Variants in BSN observed in about 807,000 individuals in gnomAD.
BSN encodes the protein bassoon presynaptic cytomatrix protein, also known as protein bassoon.
A neutral mutation model predicts 264.8 loss-of-function variants in BSN; 57 were observed. The ratio of observed to expected loss-of-function variants is 0.22; its 90% CI spans 0.17 to 0.27. The LOEUF is 0.27. Among genes scored for constraint, BSN ranks in the 10% least tolerant of loss-of-function variants. The pLI, the probability that BSN is intolerant of heterozygous loss-of-function variation, is 1.00. For synonymous variants in BSN, 2,059 were observed against 2,137.3 expected, an observed-to-expected ratio of 0.96 and a Z score of 1.01; for missense variants, 4,615 against 5,232.5, an observed-to-expected ratio of 0.88 and a Z score of 3.64.
In BSN at chr3:49,655,763, A is replaced by G. The variant is rs2052593184; in HGVS notation, c.6207A>G (p.Ser2069=). The G allele has an allele frequency of 1.2e-6, 2 of 1,613,364 alleles. No homozygotes were observed. Among genetic ancestry groups the G allele is most frequent in the African/African-American group, 2.7e-5 (2 of 74,930 alleles). The change falls in exon 5 of 12, where the codon TCA becomes TCG. Residue 2069 remains serine, a synonymous_variant. Coordinates refer to ENST00000296452, the MANE Select transcript of BSN (RefSeq NM_003458.4). ...ATAGCTCAGTGTCGAACATCTACTC[A>G]GACCACAGGTACGGCCCACGGGGAG... ...RRYSSVSNIY[S]DHRYGPRGDA... is the part of the protein sequence containing the mutation.
chr3:49,559,376 C>T (rs1237245625), intron 1 of BSN, among the ~76,000 whole-genome samples: 1 of 152,150 alleles, frequency 6.6e-6, no homozygotes, highest in African/African-American at 2.4e-5. Context: ...ATTTATCTCT[C>T]TCACATCCTA....
chr3:49,621,916 T>C (rs1317338590), intron 1 of BSN, among the ~76,000 whole-genome samples: 1 of 152,090 alleles, frequency 6.6e-6, no homozygotes, highest in Non-Finnish European at 1.5e-5. Flanking sequence ...TTAAGGAGTT[T>C]TGCTGTAAAG....
intron 1 of BSN, among the ~76,000 whole-genome samples, chr3:49,604,448 TG>T (rs1280795547): frequency 6.6e-6 from 1 of 152,200 alleles, no homozygotes; most frequent in Non-Finnish European, 1.5e-5. Context: ...AGGTACCTCG[TG>T]TAAGTGGAAT....
At chr3:49,568,193 G>A (rs937925294) in intron 1 of BSN, among the ~76,000 whole-genome samples, 1 of 152,220 alleles carries the variant, frequency 6.6e-6, no homozygotes, top group Non-Finnish European at 1.5e-5. Context: ...AAATCTTGCT[G>A]AGACCATTTT....
chr3:49,648,548 G>A (rs1047863077), intron 3 of BSN, among the ~76,000 whole-genome samples: 1 of 152,226 alleles, frequency 6.6e-6, no homozygotes, highest in Non-Finnish European at 1.5e-5. Context: ...TTTCCATTGT[G>A]TACACAGGTG....
chr3:49,593,623 G>A (rs944582972), intron 1 of BSN, among the ~76,000 whole-genome samples: 2 of 151,960 alleles, frequency 1.3e-5, no homozygotes, highest in Non-Finnish European at 2.9e-5. Context: ...GTTTTAATTT[G>A]TATTTCCATA....
At chr3:49,566,788 GAAA>G (rs36043715) in intron 1 of BSN, among the ~76,000 whole-genome samples, 5 of 86,066 alleles carry the variant, frequency 5.8e-5, no homozygotes, top group East Asian at 4.1e-4. Flanking sequence ...TGTGTTTCAG[GAAA>G]AAAAAAAAAA....
chr3:49,629,832 C>T (rs1215616120), intron 2 of BSN, among the ~76,000 whole-genome samples: 1 of 152,226 alleles, frequency 6.6e-6, no homozygotes, highest in African/African-American at 2.4e-5. Flanking sequence ...TACTTATAAG[C>T]CTCTCTAGGA....
chr3:49,637,974 C>A (rs1487098109), intron 2 of BSN, among the ~76,000 whole-genome samples: 2 of 152,254 alleles, frequency 1.3e-5, no homozygotes, highest in Admixed American at 1.3e-4. Flanking sequence ...TCTGACAGAG[C>A]TGTCCACCTT....
At chr3:49,671,567 G>C (rs2052762217), downstream of BSN, 1 of 152,560 alleles carries the variant, frequency 6.6e-6, no homozygotes, top group African/African-American at 2.4e-5. This position sits in a 1 kb window ranked among gnomAD's most constrained non-coding sequence, Gnocchi z 4.1. Flanking sequence ...TTTCTGGGAT[G>C]GTTTCTCAAG....
At chr3:49,629,821 T>C (rs2052371433) in intron 2 of BSN, among the ~76,000 whole-genome samples, 1 of 152,208 alleles carries the variant, frequency 6.6e-6, no homozygotes. Flanking sequence ...CTAGTCAGAA[T>C]TACTTATAAG....
In BSN at chr3:49,655,529, G is replaced by A; in HGVS notation, c.5973G>A (p.Glu1991=). The change falls in exon 5 of 12, where the codon GAG becomes GAA. Residue 1991 remains glutamate (E), a synonymous_variant. Coordinates refer to ENST00000296452, the MANE Select transcript of BSN (RefSeq NM_003458.4). ...YSSMSDTNLA[E]AGLNYHAQRI... Reference sequence around the variant, plus strand: ...CCATGTCTGACACCAATTTGGCTGAGGCTGGCCTCAACTACCATGCCCAGA... The same window carrying A: ...CCATGTCTGACACCAATTTGGCTGAAGCTGGCCTCAACTACCATGCCCAGA... The A allele has an allele frequency of 6.2e-7, 1 of 1,611,758 alleles. No homozygotes were observed. Among genetic ancestry groups the A allele is most frequent in the Non-Finnish European group, 8.5e-7 (1 of 1,178,978 alleles).
At chr3:49,560,652 T>C (rs1408466379) in intron 1 of BSN, among the ~76,000 whole-genome samples, 1 of 152,234 alleles carries the variant, frequency 6.6e-6, no homozygotes, top group Non-Finnish European at 1.5e-5. Flanking sequence ...CAGGAGCATG[T>C]CATGCTGGTA....
chr3:49,560,909 G>A (rs1016938867), intron 1 of BSN, among the ~76,000 whole-genome samples: 4 of 152,146 alleles, frequency 2.6e-5, no homozygotes, highest in African/African-American at 9.7e-5. Flanking sequence ...TATATTTTAG[G>A]TTCTGGTCAG....
At chr3:49,589,003 CT>C (rs1177877283) in intron 1 of BSN, among the ~76,000 whole-genome samples, 3 of 151,564 alleles carry the variant, frequency 2.0e-5, no homozygotes, top group African/African-American at 7.3e-5. Context: ...CAAGCTCCGC[CT>C]CCCGCGTTTA....
chr3:49,590,322 T>TA (rs1383740210), intron 1 of BSN, among the ~76,000 whole-genome samples: 10 of 151,816 alleles, frequency 6.6e-5, no homozygotes, highest in South Asian at 4.2e-4. Flanking sequence ...TTGGATTCTT[T>TA]AAAAAAAACA....
chr3:49,615,757 G>A (rs748157315), intron 1 of BSN, among the ~76,000 whole-genome samples: 3 of 152,178 alleles, frequency 2.0e-5, no homozygotes, highest in Non-Finnish European at 2.9e-5. Context: ...AGCTGATGAG[G>A]CCAGCCCTTG....
chr3:49,647,684 T>C (rs775906086), intron 3 of BSN, among the ~76,000 whole-genome samples: 3 of 152,138 alleles, frequency 2.0e-5, no homozygotes, highest in Non-Finnish European at 2.9e-5. Context: ...TAGGGGTATG[T>C]TGGGGTTGGA....
In BSN at chr3:49,655,064, G is replaced by A. The variant is rs1397333573; in HGVS notation, c.5508G>A (p.Glu1836=). ...SIGLKPGPVP[E]PGAEPHRATP... ...GCCTCAAGCCAGGCCCAGTGCCAGA[G>A]CCAGGTGCCGAGCCCCACCGGGCCA... The change falls in exon 5 of 12, where the codon GAG becomes GAA. Residue 1836 remains glutamate, a synonymous_variant. Coordinates refer to ENST00000296452, the MANE Select transcript of BSN (RefSeq NM_003458.4). 1 of 1,613,030 alleles carries A rather than the reference G, an allele frequency of 6.2e-7. No homozygotes were observed. Among genetic ancestry groups the A allele is most frequent in the Admixed American group, 1.7e-5 (1 of 60,032 alleles).
Sources: allele counts gnomAD v4.1 joint callset (sites outside exome capture counted in the v4.1 genomes callset), GRCh38; gene constraint gnomAD v4.1.1; non-coding constraint Gnocchi (gnomAD v3.1); transcripts MANE v1.5; gene names NCBI Gene and HGNC (gene_info 2026-07-23, HGNC 2026-07-21).